Variants in MACROD2 observed in about 807,000 individuals in gnomAD.
MACROD2 encodes the protein ADP-ribose glycohydrolase MACROD2.
A neutral mutation model predicts 70.4 loss-of-function variants in MACROD2; 36 were observed. The observed-to-expected ratio is 0.51, with a 90% CI of 0.39 to 0.68. The LOEUF is 0.68. MACROD2 is among the 30% of genes least tolerant of loss of function. MACROD2 has a pLI of 0.00. For synonymous variants in MACROD2, 172 were observed against 178.8 expected (o/e 0.96, Z 0.30); for missense variants, 496 against 538.4 (o/e 0.92, Z 0.78).
intron 5 of MACROD2, among the ~76,000 whole-genome samples, chr20:15,103,377 C>T (rs2075888088): frequency 6.6e-6 from 1 of 151,496 alleles, no homozygotes; most frequent in Non-Finnish European, 1.5e-5. Context: ...AAAAAGTGAG[C>T]TTTTCCTAGA....
At chr20:14,241,552 A>C (rs1035891480) in intron 3 of MACROD2, among the ~76,000 whole-genome samples, 2 of 152,264 alleles carry the variant, frequency 1.3e-5, no homozygotes, top group African/African-American at 4.8e-5. Flanking sequence ...ACATATAAGC[A>C]TATATGTATA....
intron 3 of MACROD2, among the ~76,000 whole-genome samples, chr20:14,308,474 CAT>C (rs2082538913): frequency 6.6e-6 from 1 of 152,084 alleles, no homozygotes; most frequent in Non-Finnish European, 1.5e-5. Context: ...TTTAAAGACT[CAT>C]AGTGAGTTCC....
intron 5 of MACROD2, among the ~76,000 whole-genome samples, chr20:14,902,012 A>G (rs529718821): frequency 6.6e-6 from 1 of 152,232 alleles, no homozygotes; most frequent in Non-Finnish European, 1.5e-5. Flanking sequence ...TAAGCAGTCA[A>G]TAATAGCTAT....
At chr20:14,485,127 T>C (rs1419533320) in intron 3 of MACROD2, among the ~76,000 whole-genome samples, 1 of 152,032 alleles carries the variant, frequency 6.6e-6, no homozygotes, top group African/African-American at 2.4e-5. Flanking sequence ...GAACTTATTT[T>C]ATAGAAGCCC....
intron 3 of MACROD2, among the ~76,000 whole-genome samples, chr20:14,162,519 A>G (rs1227451785): frequency 2.0e-5 from 3 of 152,018 alleles, no homozygotes; most frequent in Non-Finnish European, 4.4e-5. Flanking sequence ...GTCTAATAGT[A>G]TTTTCTTTAT....
intron 10 of MACROD2, among the ~76,000 whole-genome samples, chr20:15,890,862 G>T (rs147879064): frequency 1.3e-5 from 2 of 152,208 alleles, no homozygotes; most frequent in Non-Finnish European, 2.9e-5. Context: ...ATTAGGCAGG[G>T]TCCCCATTAT....
Position 14,343,239 on chromosome 20 carries a change from T to TAA in MACROD2, c.272-150229_272-150228dup, listed in dbSNP as rs5840609. On this transcript the variant is annotated intron_variant, in intron 3 of 17. Transcript: ENST00000684519. ...GTCCCCTTCACTTGTTTTAAAATGT[T>TAA]AAAAAAAAAAAAGACTTAAAATGAT... Among the ~76,000 whole-genome samples the TAA allele has an allele frequency of 1.7e-3, 245 of 146,078 alleles. No individual in the cohort carries two copies. The East Asian group carries it at 0.021, about 12-fold the overall frequency.
chr20:14,986,180 C>A (rs1316372983), intron 5 of MACROD2, among the ~76,000 whole-genome samples: 5 of 152,134 alleles, frequency 3.3e-5, no homozygotes, highest in Admixed American at 6.6e-5. Flanking sequence ...CTCCTGGTTG[C>A]TTGTTTAAAT....
intron 5 of MACROD2, among the ~76,000 whole-genome samples, chr20:14,911,229 C>G (rs1003781558): frequency 2.6e-5 from 4 of 152,164 alleles, no homozygotes; most frequent in Admixed American, 6.5e-5. Context: ...CATAGTTTAA[C>G]CAGTTCCTTG....
At chr20:15,870,045 T>A (rs936037575) in intron 9 of MACROD2, among the ~76,000 whole-genome samples, 1 of 152,174 alleles carries the variant, frequency 6.6e-6, no homozygotes, top group African/African-American at 2.4e-5. Flanking sequence ...CCAAAATTTT[T>A]AAAACGAAAC....
intron 5 of MACROD2, among the ~76,000 whole-genome samples, chr20:15,170,057 A>G (rs919398526): frequency 3.3e-5 from 5 of 152,352 alleles, no homozygotes; most frequent in Admixed American, 2.6e-4. Flanking sequence ...TACAAGCCAG[A>G]TGGTAATCAG....
chr20:14,241,787 T>C (rs2081931705), intron 3 of MACROD2, among the ~76,000 whole-genome samples: 1 of 152,176 alleles, frequency 6.6e-6, no homozygotes. Context: ...GATGAAAATA[T>C]TGTCTTCATA....
At chr20:16,040,207 A>G (rs187532120) in intron 15 of MACROD2, among the ~76,000 whole-genome samples, 3 of 151,938 alleles carry the variant, frequency 2.0e-5, no homozygotes, top group Non-Finnish European at 4.4e-5. Context: ...TTAATTGTCA[A>G]CCTCAATACA....
At position 14,363,816 on chromosome 20, in the gene MACROD2, C is replaced by CAAAAAA. The variant is rs569929488; in HGVS notation, c.272-129635_272-129630dup. On this transcript the variant is annotated intron_variant, in intron 3 of 17. Coordinates refer to ENST00000684519, the MANE Select transcript of MACROD2 (RefSeq NM_001351661.2). Reference sequence around the variant, plus strand: ...TGGGCGACAGAGCCAGACTCTGTCTCAAAAAAAAAAAAAAAAAAAAAAAAA... The same window carrying CAAAAAA: ...TGGGCGACAGAGCCAGACTCTGTCTCAAAAAAAAAAAAAAAAAAAAAAAAAAAAAAA... Among the ~76,000 whole-genome samples the CAAAAAA allele has an allele frequency of 3.4e-3, 241 of 71,562 alleles. 1 individual carries two copies. The highest frequency in any genetic ancestry group is 3.8e-3 in the African/African-American group (62 of 16,114). 46.9% of individuals were successfully genotyped at this position (71,562 alleles called of 152,430 possible).
At chr20:15,558,770 C>T (rs1312332467) in intron 8 of MACROD2, among the ~76,000 whole-genome samples, 1 of 152,152 alleles carries the variant, frequency 6.6e-6, no homozygotes, top group Admixed American at 6.5e-5. Flanking sequence ...AACTCTGTGT[C>T]TGAAATTCTT....
chr20:14,539,846 AT>A (rs1235209783), intron 4 of MACROD2, among the ~76,000 whole-genome samples: 1 of 152,112 alleles, frequency 6.6e-6, no homozygotes, highest in Admixed American at 6.6e-5. Flanking sequence ...TGTGAATCAT[AT>A]TTTTTTCCAC....
intron 6 of MACROD2, among the ~76,000 whole-genome samples, chr20:15,339,375 C>T (rs1333698463): frequency 1.3e-5 from 2 of 151,758 alleles, no homozygotes; most frequent in East Asian, 1.9e-4. Context: ...AGACATCAAT[C>T]GACAAAGCAC....
intron 5 of MACROD2, among the ~76,000 whole-genome samples, chr20:14,808,103 G>A (rs1452995659): frequency 6.6e-6 from 1 of 151,970 alleles, no homozygotes; most frequent in Non-Finnish European, 1.5e-5. Context: ...ACATTGCAAA[G>A]ATACTCCTCA....
chr20:15,323,003 A>G (rs1000614536), intron 6 of MACROD2, among the ~76,000 whole-genome samples: 4 of 140,726 alleles, frequency 2.8e-5, no homozygotes, highest in Non-Finnish European at 6.5e-5. Context: ...AAGTTGTTCC[A>G]TGGTCTCTAA....
Sources: gnomAD v4.1 joint callset for allele counts (sites outside exome capture counted in the v4.1 genomes callset) on GRCh38, gnomAD v4.1.1 for gene constraint, MANE v1.5 for transcripts, NCBI Gene and HGNC (gene_info 2026-07-23, HGNC 2026-07-21) for gene names.